RBFOX1: variants seen among roughly 807,000 people sequenced by gnomAD.
RBFOX1 encodes the protein RNA binding protein fox-1 homolog 1.
Under a neutral mutation model 57.7 loss-of-function variants are expected in RBFOX1, and 8 were observed. The observed-to-expected ratio is 0.14, with a 90% CI of 0.08 to 0.25. The LOEUF is 0.25. Ranked by LOEUF, RBFOX1 falls within the 10% of genes least tolerant of loss-of-function variation. RBFOX1 has a pLI of 1.00. For missense variants in RBFOX1, 611 were observed against 548.5 expected (o/e 1.11, Z -1.14); for synonymous variants, 326 against 222.4 (o/e 1.47, Z -4.15).
At chr16:7,421,291 A>G (rs1179891953) in intron 4 of RBFOX1, among the ~76,000 whole-genome samples, 1 of 152,188 alleles carries the variant, frequency 6.6e-6, no homozygotes, top group Non-Finnish European at 1.5e-5. Context: ...CCATCCTTGG[A>G]CACTTTCTTG....
At chr16:7,613,813 C>T (rs1393031152) in intron 10 of RBFOX1, among the ~76,000 whole-genome samples, 2 of 152,086 alleles carry the variant, frequency 1.3e-5, no homozygotes, top group East Asian at 1.9e-4. Context: ...TCCCTTCCTA[C>T]AATTTGGATA....
chr16:7,296,096 C>T (rs1269127486), intron 4 of RBFOX1, among the ~76,000 whole-genome samples: 2 of 151,772 alleles, frequency 1.3e-5, no homozygotes, highest in Non-Finnish European at 2.9e-5. Context: ...TTCATTATCT[C>T]GGTGGTTCCC....
chr16:6,623,641 G>T (rs1183365674), intron 2 of RBFOX1, among the ~76,000 whole-genome samples: 1 of 151,184 alleles, frequency 6.6e-6, no homozygotes, highest in East Asian at 2.0e-4. Context: ...TCCCCTTCCT[G>T]TGTCCATGTG....
intron 4 of RBFOX1, among the ~76,000 whole-genome samples, chr16:7,127,043 A>G (rs1162778911): frequency 6.6e-6 from 1 of 151,706 alleles, no homozygotes; most frequent in Non-Finnish European, 1.5e-5. Flanking sequence ...TTGCAGACCT[A>G]AGAGAAAATC....
Position 6,606,433 on chromosome 16 carries a change from C to T in RBFOX1, c.-63-48170C>T, listed in dbSNP as rs151265185. 4.2e-3 allele frequency among the ~76,000 whole-genome samples: 635 copies of T among 152,270 alleles called. 4 individuals carry two copies. Among genetic ancestry groups the T allele is most frequent in the Non-Finnish European group, 6.9e-3 (472 of 68,030 alleles). The stretch of plus-strand genomic sequence containing the variant: ...GATTTGTTACACAGGTAAACGTGTG[C>T]CATAGTGATTTGCTGCACCTATCAA... On this transcript the variant is annotated intron_variant, in intron 2 of 15. Coordinates refer to ENST00000550418, the MANE Select transcript of RBFOX1 (RefSeq NM_018723.4).
intron 3 of RBFOX1, among the ~76,000 whole-genome samples, chr16:6,765,482 A>G: frequency 6.6e-6 from 1 of 152,160 alleles, no homozygotes; most frequent in East Asian, 1.9e-4. Context: ...CCTATAACTC[A>G]AGTTTATATA....
intron 3 of RBFOX1, among the ~76,000 whole-genome samples, chr16:5,831,412 G>A (rs1371430052): frequency 6.6e-6 from 1 of 152,076 alleles, no homozygotes; most frequent in Non-Finnish European, 1.5e-5. Flanking sequence ...GGCCTACGCA[G>A]AAGCTAAGCA....
At chr16:7,686,740 C>T (rs1272612908) in intron 14 of RBFOX1, among the ~76,000 whole-genome samples, 1 of 152,108 alleles carries the variant, frequency 6.6e-6, no homozygotes, top group African/African-American at 2.4e-5. Context: ...TATTGGAATA[C>T]AGCTTATATG....
intron 4 of RBFOX1, among the ~76,000 whole-genome samples, chr16:7,182,586 G>T (rs527407791): frequency 1.2e-3 from 180 of 152,308 alleles, no homozygotes; most frequent in African/African-American, 4.1e-3. Flanking sequence ...CAGAAACCCA[G>T]TTTAGACTCA....
chr16:7,088,282 C>G (rs1420849627), intron 4 of RBFOX1, among the ~76,000 whole-genome samples: 2 of 152,086 alleles, frequency 1.3e-5, no homozygotes, highest in Non-Finnish European at 2.9e-5. Context: ...ATTTAATTAC[C>G]AAGAATGAAC....
At chr16:7,280,831 G>A (rs534231730) in intron 4 of RBFOX1, among the ~76,000 whole-genome samples, 4 of 152,056 alleles carry the variant, frequency 2.6e-5, no homozygotes, top group African/African-American at 9.7e-5. Flanking sequence ...TATCCCCTGG[G>A]GTGCAAAATC....
chr16:6,651,144 C>T lies in RBFOX1; in HGVS notation c.-63-3459C>T, dbSNP rs537016280. 2.6e-5 allele frequency among the ~76,000 whole-genome samples: 4 copies of T among 152,290 alleles called. No individual in the cohort carries two copies. The East Asian group carries it at 7.7e-4, about 29-fold the overall frequency. On this transcript the variant is annotated intron_variant, in intron 2 of 15. Coordinates refer to ENST00000550418, the MANE Select transcript of RBFOX1 (RefSeq NM_018723.4). ...CTCAAACACCTGACCTCAGGTGATC[C>T]ACCCGCCTCAGTCTCCCAGAGTGCT...
intron 3 of RBFOX1, among the ~76,000 whole-genome samples, chr16:5,828,818 G>C (rs964023920): frequency 6.6e-6 from 1 of 152,190 alleles, no homozygotes; most frequent in African/African-American, 2.4e-5. Flanking sequence ...GCTGAAAAGA[G>C]AGTAAGGTGG....
At chr16:7,316,408 A>G (rs931001977) in intron 4 of RBFOX1, among the ~76,000 whole-genome samples, 1 of 152,230 alleles carries the variant, frequency 6.6e-6, no homozygotes, top group Non-Finnish European at 1.5e-5. Flanking sequence ...GAGGCCCAGA[A>G]TGATTAAGTC....
At chr16:5,760,020 A>C (rs562556660) in intron 3 of RBFOX1, among the ~76,000 whole-genome samples, 16 of 152,106 alleles carry the variant, frequency 1.1e-4, no homozygotes, top group South Asian at 2.1e-4. Flanking sequence ...AAAAAAAAAA[A>C]AACCTTGTAT....
chr16:7,059,454 A>C (rs973115880), intron 4 of RBFOX1, among the ~76,000 whole-genome samples: 14 of 152,200 alleles, frequency 9.2e-5, no homozygotes, highest in Admixed American at 4.6e-4. Context: ...AGGTATAATA[A>C]TATACTAAAA....
chr16:6,711,744 G>A (rs1003423959), intron 3 of RBFOX1, among the ~76,000 whole-genome samples: 2 of 152,116 alleles, frequency 1.3e-5, no homozygotes, highest in Non-Finnish European at 2.9e-5. Context: ...ACTCCTCACT[G>A]AGCCCATCCT....
At chr16:7,542,789 C>T (rs868090535) in intron 5 of RBFOX1, among the ~76,000 whole-genome samples, 1 of 140,838 alleles carries the variant, frequency 7.1e-6, no homozygotes, top group Non-Finnish European at 1.5e-5. Flanking sequence ...ATCAATTGAA[C>T]CTGGGAGGCA....
At chr16:6,643,014 CTT>C (rs2098505116) in intron 2 of RBFOX1, among the ~76,000 whole-genome samples, 1 of 152,142 alleles carries the variant, frequency 6.6e-6, no homozygotes, top group Admixed American at 6.5e-5. Context: ...AAACCATAGA[CTT>C]TTCGGAATAT....
Sources: allele counts gnomAD v4.1 joint callset (sites outside exome capture counted in the v4.1 genomes callset), GRCh38; gene constraint gnomAD v4.1.1; transcripts MANE v1.5; gene names NCBI Gene and HGNC (gene_info 2026-07-23, HGNC 2026-07-21).